C16orf46: variants seen among roughly 807,000 people sequenced by gnomAD.
C16orf46 encodes uncharacterized protein C16orf46.
Under a neutral mutation model 5.5 loss-of-function variants are expected in C16orf46, and 7 were observed. The observed-to-expected ratio is 1.28, with a 90% CI of 0.73 to 2.40. C16orf46 has a LOEUF of 2.40. Ranked by LOEUF, C16orf46 falls within the 30% of genes most tolerant of loss-of-function variation. The pLI is 0.00. For missense variants in C16orf46, 614 were observed against 476.0 expected (o/e 1.29, Z -2.70); for synonymous variants, 200 against 184.1 (o/e 1.09, Z -0.70).
chr16:81,056,843 T>A (rs1047746290), downstream of C16orf46, among the ~76,000 whole-genome samples: 1 of 152,012 alleles, frequency 6.6e-6, no homozygotes, highest in Admixed American at 6.5e-5. Context: ...AAGCTGGGCG[T>A]TCCCCCAGCT....
chr16:81,062,010 G>C lies in C16orf46; in HGVS notation c.339C>G (p.Leu113=), dbSNP rs1971498246. ...CCCCCTCAGTAGGAGGCTTGGTCTG[G>C]AGGCTCCAGTGGGAGAGGTTAACAC... ...LVCVNLSHWS[L]QTKPPTEGGP... The change falls in exon 4 of 4, where the codon CTC becomes CTG. Residue 113 remains leucine, a synonymous_variant. Transcript: ENST00000299578. 2 of 1,614,036 alleles carry C rather than the reference G, an allele frequency of 1.2e-6. No individual in the cohort carries two copies. Among genetic ancestry groups the C allele is most frequent in the African/African-American group, 1.3e-5 (1 of 75,042 alleles).
chr16:81,061,917 G>A lies in C16orf46; in HGVS notation c.432C>T (p.Ser144=), dbSNP rs1188193757. ...QAAPQGPSTA[S]RAISDICFPT... ...GAAAGCAGATGTCGCTAATTGCCCTGGAAGCAGTGCTGGGGCCCTGGGGGG... is the reference window on the plus strand; with the variant it reads ...GAAAGCAGATGTCGCTAATTGCCCTAGAAGCAGTGCTGGGGCCCTGGGGGG... Residue 144 remains serine, a synonymous_variant, in exon 4 of 4, where the codon TCC becomes TCT. Coordinates refer to ENST00000299578, the MANE Select transcript of C16orf46 (RefSeq NM_152337.3). 5 of 1,614,186 alleles carry A rather than the reference G, an allele frequency of 3.1e-6. No individual in the cohort carries two copies. Among genetic ancestry groups the A allele is most frequent in the African/African-American group, 1.3e-5 (1 of 75,044 alleles).
intron 1 of C16orf46, among the ~76,000 whole-genome samples, chr16:81,075,405 T>C (rs1266451331): frequency 3.3e-5 from 5 of 151,996 alleles, no homozygotes; most frequent in Non-Finnish European, 5.9e-5. Flanking sequence ...GGCTGGCCAA[T>C]ATGATGAAAC....
At chr16:81,068,477 A>G (rs369390861) in intron 1 of C16orf46, among the ~76,000 whole-genome samples, 185 of 152,312 alleles carry the variant, frequency 1.2e-3, no homozygotes, top group African/African-American at 4.2e-3. Flanking sequence ...AGAAATTTCC[A>G]AAGTCCTGGT....
chr16:81,059,332 A>C (rs561049513), downstream of C16orf46, among the ~76,000 whole-genome samples: 76 of 151,708 alleles, frequency 5.0e-4, no homozygotes, highest in African/African-American at 1.4e-3. Flanking sequence ...AAAAAAAAAA[A>C]AAAAAAAAAA....
At chr16:81,064,299 G>C (rs994206905) in intron 2 of C16orf46, among the ~76,000 whole-genome samples, 32 of 151,476 alleles carry the variant, frequency 2.1e-4, no homozygotes, top group African/African-American at 7.8e-4. Context: ...AGGAAGCAGA[G>C]GTTTCAGTGA....
Position 81,061,354 on chromosome 16 carries a change from A to G in C16orf46, c.995T>C (p.Val332Ala). 1.2e-6 allele frequency: 2 copies of G among 1,613,822 alleles called. No individual in the cohort carries two copies. Among genetic ancestry groups the G allele is most frequent in the Non-Finnish European group, 1.7e-6 (2 of 1,179,998 alleles). ...AALQLLQKRGVQSYKSKFKAK... is the reference protein window; with the variant it reads ...AALQLLQKRGAQSYKSKFKAK... Reference sequence around the variant, plus strand: ...TTTGAATTTGGATTTGTAGCTTTGCACTCCCCGTTTCTGCAGAAGCTGCAA... The same window carrying G: ...TTTGAATTTGGATTTGTAGCTTTGCGCTCCCCGTTTCTGCAGAAGCTGCAA... The change falls in exon 4 of 4, where the codon GTG becomes GCG. Residue 332 changes from valine to alanine, a missense_variant. Val to Ala is a moderately conservative substitution (Grantham distance 64). Coordinates refer to ENST00000299578, the MANE Select transcript of C16orf46 (RefSeq NM_152337.3).
At position 81,062,152 on chromosome 16, in the gene C16orf46, G is replaced by A. The variant is rs201160160; in HGVS notation, c.211-14C>T. 9.1e-6 allele frequency: 14 copies of A among 1,541,226 alleles called. No homozygotes were observed. The highest frequency in any genetic ancestry group is 1.2e-5 in the Non-Finnish European group (14 of 1,148,910). Reference sequence around the variant, plus strand: ...CCACCCTTGGACCTGCAAATAAAGCGGCATGTTACTCCTCCAGCTGAGGGG... The same window carrying A: ...CCACCCTTGGACCTGCAAATAAAGCAGCATGTTACTCCTCCAGCTGAGGGG... On this transcript the variant is annotated splice_polypyrimidine_tract_variant and intron_variant, in intron 3 of 3. Coordinates refer to ENST00000299578, the MANE Select transcript of C16orf46 (RefSeq NM_152337.3).
rs764639607 is a variant in C16orf46, at chr16:81,061,640, C to T, written c.709G>A (p.Glu237Lys). The change falls in exon 4 of 4, where the codon GAA becomes AAA. Residue 237 changes from glutamate to lysine, a missense_variant. Transcript: ENST00000299578. ...KKSKNSFLQSEEKVLDVEKDG... is the reference protein window; with the variant it reads ...KKSKNSFLQSKEKVLDVEKDG... ...TTTTCCACATCCAGCACCTTCTCTT[C>T]TGACTGCAAGAAAGAGTTCTTACTC... The T allele has an allele frequency of 1.2e-6, 2 of 1,614,188 alleles. No homozygotes were observed. The highest frequency in any genetic ancestry group is 2.2e-5 in the South Asian group (2 of 91,090).
rs141244461 is a variant in C16orf46 at position 81,063,620 on chromosome 16, C to T, written c.210+126G>A. 1.4e-3 allele frequency: 1,121 copies of T among 777,978 alleles called. 10 individuals carry two copies. In the African/African-American group the frequency reaches 0.018, roughly 13 times the overall value. 48.2% of individuals were successfully genotyped at this position (777,978 alleles called of 1,614,324 possible). A position where few individuals can be genotyped will look rare whatever the true frequency, so the allele number is the denominator to read the frequency against. On this transcript the variant is annotated intron_variant, in intron 3 of 3. Coordinates refer to ENST00000299578, the MANE Select transcript of C16orf46 (RefSeq NM_152337.3). ...CATCAGTAATATTTTACCTCAATTCCAGGGTTTCTACATGTCATTGATTCC... is the reference window on the plus strand; with the variant it reads ...CATCAGTAATATTTTACCTCAATTCTAGGGTTTCTACATGTCATTGATTCC...
rs1380391882 is a variant in C16orf46 at position 81,061,039 on chromosome 16, G to C, written c.*122C>G. On this transcript the variant is annotated 3_prime_UTR_variant, in exon 4 of 4. Transcript: ENST00000299578. ...AAAAATGGAGGAAAAGAAGAGTAAA[G>C]ACAGACTGACGGGGAGGAGAGAAAG... The C allele has an allele frequency of 6.4e-6, 9 of 1,398,182 alleles. No individual in the cohort carries two copies. Among genetic ancestry groups the C allele is most frequent in the Non-Finnish European group, 8.5e-6 (9 of 1,063,206 alleles). 86.6% of individuals were successfully genotyped at this position (1,398,182 alleles called of 1,614,324 possible).
rs781329941 is a variant in C16orf46, at chr16:81,062,125, C to G, written c.224G>C (p.Gly75Ala). ...TGWEEAVQGWGRTSPAACIWP... is the reference protein window; with the variant it reads ...TGWEEAVQGWARTSPAACIWP... ...GATGCAGGCAGCTGGAGAAGTCCTT[C>G]CCCACCCTTGGACCTGCAAATAAAG... The change falls in exon 4 of 4, where the codon GGA (glycine) becomes GCA (alanine). Residue 75 changes from glycine to alanine, a missense_variant. Transcript: ENST00000299578. 2 of 1,589,880 alleles carry G rather than the reference C, an allele frequency of 1.3e-6. No individual in the cohort carries two copies. The highest frequency in any genetic ancestry group is 1.7e-6 in the Non-Finnish European group (2 of 1,173,154).
chr16:81,063,990 C>T lies in C16orf46; in HGVS notation c.-35G>A. ...GCTTGCTTAAAGTTTTTAACATCTTCTTGCTGTTTAAAAACATGAATGGAA... is the reference window on the plus strand; with the variant it reads ...GCTTGCTTAAAGTTTTTAACATCTTTTTGCTGTTTAAAAACATGAATGGAA... On this transcript the variant is annotated 5_prime_UTR_variant, in exon 3 of 4. Coordinates refer to ENST00000299578, the MANE Select transcript of C16orf46 (RefSeq NM_152337.3). The T allele has an allele frequency of 6.7e-7, 1 of 1,485,478 alleles. No individual in the cohort carries two copies. The highest frequency in any genetic ancestry group is 9.2e-7 in the Non-Finnish European group (1 of 1,087,128). The allele number at this position is 1,485,478 out of a possible 1,614,324, so 92.0% of individuals were successfully genotyped here.
chr16:81,056,077 G>A (rs553163529), downstream of C16orf46: 4 of 152,304 alleles, frequency 2.6e-5, no homozygotes, highest in Admixed American at 2.6e-4. Context: ...CTAAACGGGA[G>A]AGAAAAGCCA....
Position 81,063,947 on chromosome 16 carries a change from G to C in C16orf46, c.9C>G (p.Leu3=). 6.2e-7 allele frequency: 1 copy of C among 1,611,228 alleles called. No homozygotes were observed. Among genetic ancestry groups the C allele is most frequent in the Non-Finnish European group, 8.5e-7 (1 of 1,178,228 alleles). The part of the protein sequence containing the change: MD[L]CQKNETDLEN... Reference sequence around the variant, plus strand: ...CTAAGTCAGTCTCATTTTTCTGACAGAGATCCATTACTGTGATGCTTGCTT... The same window carrying C: ...CTAAGTCAGTCTCATTTTTCTGACACAGATCCATTACTGTGATGCTTGCTT... Residue 3 remains leucine (L), a synonymous_variant, in exon 3 of 4, where the codon CTC becomes CTG. Coordinates refer to ENST00000299578, the MANE Select transcript of C16orf46 (RefSeq NM_152337.3).
chr16:81,053,633 T>A (rs1971209965), exon 4 of C16orf46: 1 of 155,510 alleles, frequency 6.4e-6, no homozygotes, highest in Non-Finnish European at 1.4e-5. Flanking sequence ...TAACTTTTCA[T>A]ACTTTACTTG....
chr16:81,076,521 C>T (rs1345687890), intron 1 of C16orf46: 1 of 152,250 alleles, frequency 6.6e-6, no homozygotes, highest in Admixed American at 6.5e-5. Flanking sequence ...ATCTCAGTCT[C>T]AAACTCTTCC....
At chr16:81,056,712 A>C (rs1971307132), downstream of C16orf46, among the ~76,000 whole-genome samples, 1 of 151,610 alleles carries the variant, frequency 6.6e-6, no homozygotes, top group African/African-American at 2.4e-5. Context: ...AAAAAAAAAA[A>C]AAAAAGCAGA....
intron 1 of C16orf46, among the ~76,000 whole-genome samples, chr16:81,073,766 A>C (rs1372138500): frequency 6.6e-6 from 1 of 152,050 alleles, no homozygotes; most frequent in Non-Finnish European, 1.5e-5. Context: ...CATCCCAAGG[A>C]ATGTGGATGG....
Sources: allele counts gnomAD v4.1 joint callset (sites outside exome capture counted in the v4.1 genomes callset), GRCh38; gene constraint gnomAD v4.1.1; transcripts MANE v1.5; gene names NCBI Gene and HGNC (gene_info 2026-07-23, HGNC 2026-07-21).